KIF7: variants seen among roughly 807,000 people sequenced by gnomAD.
KIF7 encodes the protein kinesin family member 7.
Under a neutral mutation model 135.7 loss-of-function variants are expected in KIF7, and 104 were observed. That is an observed-to-expected ratio of 0.77 (90% CI 0.65 to 0.90). The LOEUF is 0.90. Ranked by LOEUF, KIF7 falls within the 40% of genes least tolerant of loss-of-function variation. The pLI is 0.00. For synonymous variants in KIF7, 883 were observed against 809.4 expected (o/e 1.09, Z -1.54); for missense variants, 2,005 against 1,839.1 (o/e 1.09, Z -1.65).
intron 11 of KIF7, among the ~76,000 whole-genome samples, chr15:89,638,438 A>C (rs1215500194): frequency 6.7e-6 from 1 of 150,294 alleles, no homozygotes; most frequent in East Asian, 1.9e-4. Flanking sequence ...CTGATAAGCA[A>C]CTTCAGCAAA....
At position 89,645,018 on chromosome 15, in the gene KIF7, C is replaced by T. The variant is rs142420701; in HGVS notation, c.2186G>A (p.Arg729His). ...ACCTGATGCCCACGCCTCACCTGTG[C>T]GGACCAGCTCGCCAATAAGCTCCTC... ...MKEELIGELV[R>H]TGKAAQALNR... The change falls in exon 10 of 19, where the codon CGC becomes CAC. Residue 729 changes from arginine (R) to histidine (H), a missense_variant. Physicochemically the swap from Arg to His is conservative, Grantham distance 29. Coordinates refer to ENST00000394412, the MANE Select transcript of KIF7 (RefSeq NM_198525.3). 2.0e-5 allele frequency: 32 copies of T among 1,607,878 alleles called. No individual in the cohort carries two copies. Among genetic ancestry groups the T allele is most frequent in the East Asian group, 8.9e-5 (4 of 44,890 alleles).
At position 89,628,475 on chromosome 15, in the gene KIF7, G is replaced by T; in HGVS notation, c.3976C>A (p.Arg1326=). ...CCCGGGCTGGCTCGTCGCAGTTCCC[G>T]CCGGGGCTTGGACAAAGGCCCAAAG... ...WNFGPLSKPR[R]ELRRASPGMI... Residue 1326 remains arginine (R), a synonymous_variant, in exon 19 of 19, where the codon CGG becomes AGG. Coordinates refer to ENST00000394412, the MANE Select transcript of KIF7 (RefSeq NM_198525.3). 1 of 1,611,064 alleles carries T rather than the reference G, an allele frequency of 6.2e-7. No homozygotes were observed.
At chr15:89,631,765 G>A (rs1963684044) in intron 14 of KIF7, 55 bp from the exon 15 acceptor site, 2 of 1,413,794 alleles carry the variant, frequency 1.4e-6, no homozygotes, top group Non-Finnish European at 9.6e-7. Context: ...CCTCACAGGG[G>A]GGACAGAAAG....
intron 11 of KIF7, among the ~76,000 whole-genome samples, chr15:89,638,082 ATAGATG>A (rs1963846936): frequency 6.6e-6 from 1 of 151,182 alleles, no homozygotes; most frequent in South Asian, 2.1e-4. Flanking sequence ...GATTATCTCA[ATAGATG>A]CAGAAAAGGC....
intron 10 of KIF7, among the ~76,000 whole-genome samples, chr15:89,643,592 A>G (rs1963959645): frequency 6.6e-6 from 1 of 152,252 alleles, no homozygotes. Flanking sequence ...TGCTCTGGTC[A>G]TTAAGAGGAC....
At chr15:89,623,517 C>A, downstream of KIF7, 2 of 1,173,978 alleles carry the variant, frequency 1.7e-6, no homozygotes, top group East Asian at 4.7e-5. Flanking sequence ...TAGATCATTC[C>A]TTTGGCTGAC....
chr15:89,634,925 C>T (rs1163938073), intron 11 of KIF7, among the ~76,000 whole-genome samples: 1 of 152,328 alleles, frequency 6.6e-6, no homozygotes, highest in East Asian at 1.9e-4. Context: ...TTAAATGTCC[C>T]TGTCTGACAG....
At chr15:89,647,490 C>T (rs1964035974) in intron 6 of KIF7, 106 bp downstream of exon 6, 1 of 982,882 alleles carries the variant, frequency 1.0e-6, no homozygotes, top group Non-Finnish European at 1.6e-6. Flanking sequence ...CACCCCTACC[C>T]CGCAGTACCC....
At chr15:89,625,676 G>A, downstream of KIF7, 1 of 1,613,788 alleles carries the variant, frequency 6.2e-7, no homozygotes. Context: ...GGAGCCAAAA[G>A]GATCTGTGAC....
In KIF7 at chr15:89,631,604, T is replaced by A. The variant is rs1963678970; in HGVS notation, c.3002A>T (p.Gln1001Leu). 1 of 1,562,422 alleles carries A rather than the reference T, an allele frequency of 6.4e-7. No individual in the cohort carries two copies. The highest frequency in any genetic ancestry group is 8.7e-7 in the Non-Finnish European group (1 of 1,152,550). The change falls in exon 15 of 19, where the codon CAG (glutamine) becomes CTG (leucine). Residue 1001 changes from glutamine to leucine, a missense_variant. Physicochemically the swap from Gln to Leu is moderately radical, Grantham distance 113. Transcript: ENST00000394412. ...GCTGTCGATCTCCCCGCGGATCTGC[T>A]GCTGGCTCTGGGCGCTGCCCTGCCG... ...QLRQGSAQSQQQIRGEIDSLR... is the reference protein window; with the variant it reads ...QLRQGSAQSQLQIRGEIDSLR...
At chr15:89,624,362 C>T (rs1473233781), downstream of KIF7, 6 of 1,614,018 alleles carry the variant, frequency 3.7e-6, no homozygotes, top group Non-Finnish European at 5.1e-6. Flanking sequence ...AGCGTAGCTG[C>T]ATCTCTCTCC....
At chr15:89,643,368 G>A (rs1250711951) in intron 10 of KIF7, among the ~76,000 whole-genome samples, 1 of 152,196 alleles carries the variant, frequency 6.6e-6, no homozygotes, top group African/African-American at 2.4e-5. Context: ...TGATTTAAAG[G>A]AAGATGTGGG....
intron 2 of KIF7, among the ~76,000 whole-genome samples, chr15:89,650,451 T>G (rs1964106186): frequency 6.6e-6 from 1 of 152,222 alleles, no homozygotes; most frequent in Admixed American, 6.5e-5. Flanking sequence ...TGGAGGGCAG[T>G]GGCGTGATCT....
chr15:89,627,932 C>T (rs1224209127), downstream of KIF7: 1 of 154,228 alleles, frequency 6.5e-6, no homozygotes, highest in Non-Finnish European at 1.4e-5. Flanking sequence ...TCTGATTCCT[C>T]CTATTGTCTT....
At chr15:89,619,731 C>T (rs756141827) in intron 1 of KIF7, 6 of 1,612,562 alleles carry the variant, frequency 3.7e-6, no homozygotes, top group Non-Finnish European at 4.2e-6. Context: ...ACGAAGTCCT[C>T]GAATCAAGCA....
upstream of KIF7, among the ~76,000 whole-genome samples, chr15:89,660,172 T>C (rs1322311206): frequency 1.3e-5 from 2 of 152,232 alleles, no homozygotes; most frequent in Non-Finnish European, 1.5e-5. Context: ...CACTCCAGCC[T>C]GTGGGACTAG....
chr15:89,628,081 G>T lies in KIF7; in HGVS notation c.*338C>A, dbSNP rs759673742. 4.0e-6 allele frequency: 1 copy of T among 250,406 alleles called. No individual in the cohort carries two copies. The highest frequency in any genetic ancestry group is 7.8e-5 in the East Asian group (1 of 12,748). 15.5% of individuals were successfully genotyped at this position (250,406 alleles called of 1,614,324 possible). On this transcript the variant is annotated 3_prime_UTR_variant, in exon 19 of 19. Coordinates refer to ENST00000394412, the MANE Select transcript of KIF7 (RefSeq NM_198525.3). ...TTTAAACCACAACCTGGTTACCACC[G>T]ACCCTTTCGTGATGATTCTTGGCCA...
At chr15:89,630,831 G>T in intron 15 of KIF7, 1 of 430,906 alleles carries the variant, frequency 2.3e-6, no homozygotes, top group East Asian at 4.9e-5. Context: ...TCTACAGATG[G>T]GGATACGTTC....
At chr15:89,653,861 C>G (rs1361011891) in intron 1 of KIF7, among the ~76,000 whole-genome samples, 1 of 152,126 alleles carries the variant, frequency 6.6e-6, no homozygotes, top group Non-Finnish European at 1.5e-5. Flanking sequence ...TTCCAAAGTG[C>G]AGTGACTACA....
Sources: allele counts gnomAD v4.1 joint callset (sites outside exome capture counted in the v4.1 genomes callset), GRCh38; gene constraint gnomAD v4.1.1; transcripts MANE v1.5; gene names NCBI Gene and HGNC (gene_info 2026-07-23, HGNC 2026-07-21).